The following ADARB2 variants were observed in gnomAD, a reference collection of about 807,000 sequenced individuals.
ADARB2 encodes inactive double-stranded RNA-specific editase B2.
A neutral mutation model predicts 62.2 loss-of-function variants in ADARB2; 25 were observed. The ratio of observed to expected loss-of-function variants is 0.40; its 90% CI spans 0.29 to 0.56. The LOEUF is 0.56. Among genes scored for constraint, ADARB2 ranks in the 20% least tolerant of loss-of-function variants. The probability of loss-of-function intolerance (pLI) is 0.43; values close to 1 mark genes in which losing one functional copy is unlikely to be tolerated. For synonymous variants in ADARB2, 572 were observed against 500.8 expected (o/e 1.14, Z -1.90); for missense variants, 1,071 against 1,077.4 (o/e 0.99, Z 0.08).
intron 8 of ADARB2, chr10:1,199,750 A>G: frequency 2.0e-6 from 1 of 493,492 alleles, no homozygotes; most frequent in Non-Finnish European, 3.5e-6. Context: ...TCACACAATC[A>G]CGAATTCACA....
intron 4 of ADARB2, among the ~76,000 whole-genome samples, chr10:1,263,297 G>T (rs958575551): frequency 5.3e-5 from 8 of 152,186 alleles, no homozygotes; most frequent in Non-Finnish European, 5.9e-5. Flanking sequence ...TAATAATAAA[G>T]AATATTTTAG....
intron 8 of ADARB2, among the ~76,000 whole-genome samples, chr10:1,198,558 C>A (rs2131740987): frequency 6.6e-6 from 1 of 152,318 alleles, no homozygotes; most frequent in Non-Finnish European, 1.5e-5. Context: ...ATAATGAAAA[C>A]CAGATTCCCA....
intron 1 of ADARB2, among the ~76,000 whole-genome samples, chr10:1,489,089 G>A (rs1222782620): frequency 6.6e-6 from 1 of 152,224 alleles, no homozygotes; most frequent in Non-Finnish European, 1.5e-5. Context: ...CAGATTTCTC[G>A]CGGCTGTGTG....
chr10:1,375,953 A>C (rs1250269912), intron 2 of ADARB2, among the ~76,000 whole-genome samples: 2 of 32,152 alleles, frequency 6.2e-5, no homozygotes. Flanking sequence ...CACACCACAC[A>C]CATGCACACA....
intron 3 of ADARB2, among the ~76,000 whole-genome samples, chr10:1,328,619 G>C (rs1394207369): frequency 6.6e-6 from 1 of 152,094 alleles, no homozygotes; most frequent in South Asian, 2.1e-4. Context: ...ACAGAACAGA[G>C]GGGATGGGAT....
intron 5 of ADARB2, among the ~76,000 whole-genome samples, chr10:1,241,245 C>G (rs985483954): frequency 6.6e-6 from 1 of 151,694 alleles, no homozygotes; most frequent in Non-Finnish European, 1.5e-5. Context: ...GGCGACAGAG[C>G]AAGACTCCAT....
intron 1 of ADARB2, among the ~76,000 whole-genome samples, chr10:1,521,118 G>C (rs193229673): frequency 1.3e-3 from 204 of 152,248 alleles, no homozygotes; most frequent in African/African-American, 4.8e-3. Context: ...AAGTACAGGC[G>C]GCCCGGAGTC....
intron 1 of ADARB2, among the ~76,000 whole-genome samples, chr10:1,510,104 C>A (rs1416676469): frequency 3.3e-5 from 4 of 119,726 alleles, no homozygotes. Flanking sequence ...TCTTTTCTTT[C>A]TTTCTCTCTT....
intron 4 of ADARB2, among the ~76,000 whole-genome samples, chr10:1,267,722 A>G (rs1831219393): frequency 6.6e-6 from 1 of 152,224 alleles, no homozygotes; most frequent in Non-Finnish European, 1.5e-5. Context: ...AACACAACAC[A>G]ACTTGGAGCT....
intron 8 of ADARB2, among the ~76,000 whole-genome samples, chr10:1,195,192 C>G (rs916930743): frequency 6.6e-6 from 1 of 152,130 alleles, no homozygotes; most frequent in African/African-American, 2.4e-5. Flanking sequence ...TCCCCAGGTC[C>G]TGGCTTGGCA....
intron 1 of ADARB2, among the ~76,000 whole-genome samples, chr10:1,536,715 T>G: frequency 6.6e-6 from 1 of 152,200 alleles, no homozygotes; most frequent in East Asian, 1.9e-4. Context: ...AATGGGGAAA[T>G]TGTTCCCTAT....
chr10:1,508,577 C>T (rs570608282), intron 1 of ADARB2, among the ~76,000 whole-genome samples: 34 of 152,242 alleles, frequency 2.2e-4, no homozygotes, highest in Non-Finnish European at 4.1e-4. Context: ...GTCAGGAGTT[C>T]GAGACCAGCC....
intron 3 of ADARB2, among the ~76,000 whole-genome samples, chr10:1,310,106 C>T (rs1831675020): frequency 2.0e-5 from 3 of 152,196 alleles, no homozygotes; most frequent in Non-Finnish European, 2.9e-5. Flanking sequence ...CTATGATTTC[C>T]TGCTGCTTTG....
At chr10:1,468,867 G>T (rs995927362) in intron 1 of ADARB2, among the ~76,000 whole-genome samples, 8 of 152,220 alleles carry the variant, frequency 5.3e-5, no homozygotes, top group Admixed American at 1.3e-4. Flanking sequence ...TTCTTGAATT[G>T]TTGAATTTGA....
chr10:1,336,767 G>C (rs560761135), intron 3 of ADARB2, among the ~76,000 whole-genome samples: 6 of 152,248 alleles, frequency 3.9e-5, no homozygotes, highest in African/African-American at 1.4e-4. Context: ...CCTGTGTCAG[G>C]TGAAGTTTTA....
At chr10:1,284,550 A>G (rs1030615728) in intron 3 of ADARB2, among the ~76,000 whole-genome samples, 1 of 152,172 alleles carries the variant, frequency 6.6e-6, no homozygotes, top group Non-Finnish European at 1.5e-5. Flanking sequence ...CTGTTAACAC[A>G]TTATTTAATC....
intron 1 of ADARB2, among the ~76,000 whole-genome samples, chr10:1,412,353 G>A (rs1254285552): frequency 6.6e-6 from 1 of 151,828 alleles, no homozygotes; most frequent in Non-Finnish European, 1.5e-5. Flanking sequence ...CTGAACAGTT[G>A]ATTAAAAGAT....
At chr10:1,500,761 T>C (rs1831758306) in intron 1 of ADARB2, among the ~76,000 whole-genome samples, 1 of 152,244 alleles carries the variant, frequency 6.6e-6, no homozygotes, top group Non-Finnish European at 1.5e-5. Context: ...TATTCTGACC[T>C]TTGCAAGATT....
At chr10:1,613,727 G>T (rs747673549) in intron 1 of ADARB2, among the ~76,000 whole-genome samples, 22 of 152,202 alleles carry the variant, frequency 1.4e-4, no homozygotes, top group Middle Eastern at 3.2e-3. Context: ...GCTGGTTTCT[G>T]CTACTTTATG....
Sources: allele counts gnomAD v4.1 joint callset (sites outside exome capture counted in the v4.1 genomes callset), GRCh38; gene constraint gnomAD v4.1.1; transcripts MANE v1.5; gene names NCBI Gene and HGNC (gene_info 2026-07-23, HGNC 2026-07-21).